Variants in GOT1 observed in about 807,000 individuals in gnomAD.
GOT1 encodes aspartate aminotransferase, cytoplasmic.
A neutral mutation model predicts 48.2 loss-of-function variants in GOT1; 25 were observed. That is an observed-to-expected ratio of 0.52 (90% CI 0.38 to 0.72). The LOEUF is 0.72. GOT1 is among the 30% of genes least tolerant of loss of function. The probability of loss-of-function intolerance (pLI) is 0.00; values close to 1 mark genes in which losing one functional copy is unlikely to be tolerated. For missense variants in GOT1, 380 were observed against 520.1 expected (o/e 0.73, Z 2.62); for synonymous variants, 188 against 193.8 (o/e 0.97, Z 0.25).
At chr10:99,427,630 C>G (rs780223095) in intron 1 of GOT1, among the ~76,000 whole-genome samples, 1 of 152,188 alleles carries the variant, frequency 6.6e-6, no homozygotes, top group Non-Finnish European at 1.5e-5. Context: ...CCTCATTTAA[C>G]AGATGAGCCC....
chr10:99,409,136 T>TG (rs1049581640), intron 2 of GOT1, among the ~76,000 whole-genome samples: 6 of 152,084 alleles, frequency 3.9e-5, no homozygotes, highest in African/African-American at 1.4e-4. Context: ...TGTGTTTTTT[T>TG]TTTGTTTGTT....
Position 99,422,728 on chromosome 10 carries a change from A to G in GOT1, c.119-1923T>C, listed in dbSNP as rs569503419. On this transcript the variant is annotated intron_variant, in intron 1 of 8. Transcript: ENST00000370508. ...CACAAGCAAACACAGCTTCTTACAT[A>G]TGCCCTTTTAAACAAAAGGTAGCAT... Among the ~76,000 whole-genome samples, 18 of 152,308 alleles carry G rather than the reference A, an allele frequency of 1.2e-4. No individual in the cohort carries two copies. The South Asian group carries it at 3.5e-3, about 30-fold the overall frequency.
intron 7 of GOT1, 77 bp from the exon 8 acceptor site, chr10:99,402,799 CTAATT>C (rs1589934791): frequency 8.3e-7 from 1 of 1,204,974 alleles, no homozygotes; most frequent in East Asian, 2.4e-5. Context: ...TTTAAAAACT[CTAATT>C]TAAACGACAG....
chr10:99,408,854 A>T (rs74333013), intron 2 of GOT1, among the ~76,000 whole-genome samples: 4,945 of 152,262 alleles, frequency 0.032, 216 homozygotes, highest in East Asian at 0.23. Context: ...GTTTTTTTAA[A>T]AATAAGATGA....
intron 2 of GOT1, among the ~76,000 whole-genome samples, chr10:99,407,203 G>GCA (rs2032771904): frequency 6.6e-6 from 1 of 151,370 alleles, no homozygotes; most frequent in Non-Finnish European, 1.5e-5. Context: ...GTGTGTGTGT[G>GCA]TGCATGCACG....
intron 1 of GOT1, among the ~76,000 whole-genome samples, chr10:99,423,260 G>A (rs2134109223): frequency 6.6e-6 from 1 of 152,252 alleles, no homozygotes; most frequent in Non-Finnish European, 1.5e-5. Flanking sequence ...TACAACATCA[G>A]TTTAGTGGAT....
chr10:99,406,515 A>G (rs1413221224), intron 3 of GOT1, among the ~76,000 whole-genome samples: 1 of 152,210 alleles, frequency 6.6e-6, no homozygotes, highest in Non-Finnish European at 1.5e-5. Flanking sequence ...GCCTTGGTAG[A>G]TACAAGTCTA....
At chr10:99,398,789 T>C (rs904174039) in intron 8 of GOT1, among the ~76,000 whole-genome samples, 1 of 152,218 alleles carries the variant, frequency 6.6e-6, no homozygotes, top group Non-Finnish European at 1.5e-5. Context: ...AAACACTATG[T>C]GCCAGGCAGT....
chr10:99,406,668 C>G lies in GOT1; in HGVS notation c.424+58G>C, dbSNP rs996826184. ...CATTTTCTGTGTAACCAGGGAGAGT[C>G]ATGAGGATAATTCTCTCTGGTTTCT... On this transcript the variant is annotated intron_variant, in intron 3 of 8. Transcript: ENST00000370508. The G allele has an allele frequency of 2.6e-6, 4 of 1,549,736 alleles. No homozygotes were observed. The African/African-American group carries it at 4.1e-5, about 16-fold the overall frequency.
chr10:99,427,709 C>T (rs1200132185), intron 1 of GOT1, among the ~76,000 whole-genome samples: 1 of 152,142 alleles, frequency 6.6e-6, no homozygotes, highest in Non-Finnish European at 1.5e-5. Flanking sequence ...CCTAGGTCTC[C>T]TGGCTCTTCC....
At chr10:99,422,533 A>T (rs1458912430) in intron 1 of GOT1, among the ~76,000 whole-genome samples, 1 of 152,180 alleles carries the variant, frequency 6.6e-6, no homozygotes, top group African/African-American at 2.4e-5. Flanking sequence ...TTTTCCATTT[A>T]AATATATACT....
intron 4 of GOT1, 94 bp from the exon 5 acceptor site, chr10:99,405,954 C>G: frequency 1.2e-6 from 1 of 820,590 alleles, no homozygotes; most frequent in South Asian, 1.4e-5. Context: ...GGGCAAAGGG[C>G]AACCATATTC....
In GOT1 at chr10:99,417,821, A is replaced by C. The variant is rs542795149; in HGVS notation, c.300+2803T>G. Among the ~76,000 whole-genome samples the C allele has an allele frequency of 8.3e-4, 127 of 152,290 alleles. 3 individuals are homozygous for C. In the South Asian group the frequency reaches 0.026, roughly 31 times the overall value. ...GCAAGGACAAAAAACCAAATGCTGC[A>C]TGTTCTCACTCATAGGTGGGAATTG... On this transcript the variant is annotated intron_variant, in intron 2 of 8. Coordinates refer to ENST00000370508, the MANE Select transcript of GOT1 (RefSeq NM_002079.3).
Position 99,410,077 on chromosome 10 carries a change from T to G in GOT1, c.301-3228A>C, listed in dbSNP as rs368077315. 6.0e-4 allele frequency among the ~76,000 whole-genome samples: 91 copies of G among 152,306 alleles called. 1 individual carries two copies. In the South Asian group the frequency reaches 0.018, roughly 30 times the overall value. ...TGAAAATGCTCAGTGTGTGTCAGATTTGGTGTGCTAACTACTCTGTTATTT... is the reference window on the plus strand; with the variant it reads ...TGAAAATGCTCAGTGTGTGTCAGATGTGGTGTGCTAACTACTCTGTTATTT... On this transcript the variant is annotated intron_variant, in intron 2 of 8. Transcript: ENST00000370508.
In GOT1 at chr10:99,419,262, T is replaced by A. The variant is rs143857079; in HGVS notation, c.300+1362A>T. ...AGGGGAATGATAATGGCCACTGGTT[T>A]AAACTGTGCAATTCCCAACTGGACT... On this transcript the variant is annotated intron_variant, in intron 2 of 8. Transcript: ENST00000370508. Among the ~76,000 whole-genome samples the A allele has an allele frequency of 1.7e-4, 26 of 152,342 alleles. No individual in the cohort carries two copies. In the East Asian group the frequency reaches 5.0e-3, roughly 29 times the overall value.
chr10:99,421,599 C>A (rs555643936), intron 1 of GOT1, among the ~76,000 whole-genome samples: 158 of 152,142 alleles, frequency 1.0e-3, no homozygotes, highest in African/African-American at 3.6e-3. Flanking sequence ...ATTTTTAAGT[C>A]ACTCTGAGTT....
At chr10:99,428,943 T>C (rs2033075425) in intron 1 of GOT1, among the ~76,000 whole-genome samples, 2 of 152,124 alleles carry the variant, frequency 1.3e-5, no homozygotes, top group Non-Finnish European at 2.9e-5. Flanking sequence ...GAGAATAATA[T>C]AACGTATGCC....
At chr10:99,415,804 C>T (rs543030505) in intron 2 of GOT1, among the ~76,000 whole-genome samples, 6 of 152,236 alleles carry the variant, frequency 3.9e-5, no homozygotes, top group South Asian at 2.1e-4. Context: ...AATCAATAAA[C>T]GTAATCCAGC....
At chr10:99,400,520 C>T (rs925397921) in intron 8 of GOT1, among the ~76,000 whole-genome samples, 2 of 152,078 alleles carry the variant, frequency 1.3e-5, no homozygotes, top group Non-Finnish European at 2.9e-5. Context: ...CGCCTGTGGT[C>T]CCAGCCACTT....
Sources: allele counts gnomAD v4.1 joint callset (sites outside exome capture counted in the v4.1 genomes callset), GRCh38; gene constraint gnomAD v4.1.1; transcripts MANE v1.5; gene names NCBI Gene and HGNC (gene_info 2026-07-23, HGNC 2026-07-21).